UBE2E2: variants seen among roughly 807,000 people sequenced by gnomAD.
The protein encoded by UBE2E2 is ubiquitin conjugating enzyme E2 E2.
UBE2E2 carries 6 observed loss-of-function variants against 24.7 expected under a neutral mutation model. The observed-to-expected ratio is 0.24, with a 90% CI of 0.13 to 0.48. The LOEUF (loss-of-function observed/expected upper bound fraction) is 0.48. Ranked by LOEUF, UBE2E2 falls within the 20% of genes least tolerant of loss-of-function variation. The pLI is 0.99. For missense variants in UBE2E2, 169 were observed against 245.0 expected (o/e 0.69, Z 2.07); for synonymous variants, 104 against 83.6 (o/e 1.24, Z -1.33).
intron 3 of UBE2E2, among the ~76,000 whole-genome samples, chr3:23,478,287 A>G (rs1157360732): frequency 6.6e-6 from 1 of 152,232 alleles, no homozygotes; most frequent in Non-Finnish European, 1.5e-5. Context: ...AAAGACAGGC[A>G]ACAACATAAC....
intron 3 of UBE2E2, among the ~76,000 whole-genome samples, chr3:23,356,968 T>G (rs1473212005): frequency 6.6e-6 from 1 of 152,248 alleles, no homozygotes; most frequent in Non-Finnish European, 1.5e-5. Flanking sequence ...CTGGGGTGAC[T>G]GACTTCGTCT....
chr3:23,362,113 A>G (rs545306899), intron 3 of UBE2E2, among the ~76,000 whole-genome samples: 1 of 152,312 alleles, frequency 6.6e-6, no homozygotes, highest in East Asian at 1.9e-4. Flanking sequence ...TCTCATGGAG[A>G]TAAAACAAAA....
intron 5 of UBE2E2, among the ~76,000 whole-genome samples, chr3:23,538,285 C>T (rs545872060): frequency 1.3e-5 from 2 of 152,084 alleles, no homozygotes; most frequent in African/African-American, 2.4e-5. Context: ...CTTCTGTCAA[C>T]TTCTGTCTAC....
intron 3 of UBE2E2, among the ~76,000 whole-genome samples, chr3:23,333,052 T>A (rs1017373876): frequency 6.6e-6 from 1 of 152,192 alleles, no homozygotes; most frequent in South Asian, 2.1e-4. Context: ...CTCTCCCTCA[T>A]CTGCAGGTCC....
chr3:23,347,305 A>G (rs970519406), intron 3 of UBE2E2, among the ~76,000 whole-genome samples: 6 of 152,232 alleles, frequency 3.9e-5, no homozygotes. Flanking sequence ...AACCAACCCA[A>G]ATGTCCATCA....
chr3:23,421,667 A>G (rs1379355007), intron 3 of UBE2E2, among the ~76,000 whole-genome samples: 2 of 152,204 alleles, frequency 1.3e-5, no homozygotes, highest in Admixed American at 6.5e-5. Flanking sequence ...CGGCCTCTCA[A>G]AGTGCTGGGA....
At chr3:23,381,988 C>A (rs1408251249) in intron 3 of UBE2E2, among the ~76,000 whole-genome samples, 1 of 152,132 alleles carries the variant, frequency 6.6e-6, no homozygotes, top group Non-Finnish European at 1.5e-5. Context: ...AGATTCTTCT[C>A]CATTCCCCCG....
At chr3:23,554,083 A>G (rs569291080) in intron 5 of UBE2E2, among the ~76,000 whole-genome samples, 4 of 152,332 alleles carry the variant, frequency 2.6e-5, no homozygotes, top group African/African-American at 9.6e-5. Context: ...AGCCAGAGCA[A>G]TCCTGAGGTG....
intron 4 of UBE2E2, among the ~76,000 whole-genome samples, chr3:23,511,290 A>G (rs1434529415): frequency 6.6e-6 from 1 of 152,198 alleles, no homozygotes; most frequent in Non-Finnish European, 1.5e-5. Flanking sequence ...TGCCAAGTAT[A>G]CCCTGAAGGA....
chr3:23,314,923 G>T (rs1343514575), intron 3 of UBE2E2, among the ~76,000 whole-genome samples: 1 of 152,174 alleles, frequency 6.6e-6, no homozygotes, highest in Non-Finnish European at 1.5e-5. Flanking sequence ...GCCTTGAGGT[G>T]GTCTTCTTTG....
intron 4 of UBE2E2, 64 bp downstream of exon 4, chr3:23,499,804 T>C: frequency 6.5e-7 from 1 of 1,548,974 alleles, no homozygotes; most frequent in Non-Finnish European, 8.7e-7. Context: ...CATATACTTA[T>C]TCTTAAATAT....
intron 5 of UBE2E2, chr3:23,534,094 T>C (rs1451445640): frequency 2.8e-6 from 2 of 716,162 alleles, no homozygotes; most frequent in Non-Finnish European, 3.4e-6. Context: ...TATAACCTTG[T>C]ATAACCTCAT....
At chr3:23,545,658 TG>T (rs1695506616) in intron 5 of UBE2E2, among the ~76,000 whole-genome samples, 1 of 152,180 alleles carries the variant, frequency 6.6e-6, no homozygotes, top group Non-Finnish European at 1.5e-5. Context: ...ATCCTACTAC[TG>T]GGTATCTACC....
At chr3:23,323,048 C>G (rs1242057794) in intron 3 of UBE2E2, among the ~76,000 whole-genome samples, 1 of 151,786 alleles carries the variant, frequency 6.6e-6, no homozygotes, top group Non-Finnish European at 1.5e-5. Context: ...ATACATTTCA[C>G]TTAATTTTTG....
At chr3:23,299,942 G>A (rs1699024766) in intron 3 of UBE2E2, among the ~76,000 whole-genome samples, 1 of 152,048 alleles carries the variant, frequency 6.6e-6, no homozygotes, top group South Asian at 2.1e-4. Flanking sequence ...GGTCACTCAG[G>A]ACTTGCTTTA....
chr3:23,561,214 T>G (rs1447065957), intron 5 of UBE2E2, among the ~76,000 whole-genome samples: 3 of 152,210 alleles, frequency 2.0e-5, no homozygotes, highest in Admixed American at 6.5e-5. Flanking sequence ...GGTCTAACGT[T>G]TAAGTCTTTA....
intron 3 of UBE2E2, among the ~76,000 whole-genome samples, chr3:23,246,423 C>G (rs11920019): frequency 0.62 from 84,401 of 136,282 alleles, 26,354 homozygotes; most frequent in South Asian, 0.68. Flanking sequence ...TTTTAGTAGA[C>G]ACGGGGTTTC....
chr3:23,387,163 A>G (rs1696821768), intron 3 of UBE2E2, among the ~76,000 whole-genome samples: 1 of 152,228 alleles, frequency 6.6e-6, no homozygotes, highest in African/African-American at 2.4e-5. Flanking sequence ...GTTTCTGGGA[A>G]GACTAAATGT....
intron 3 of UBE2E2, among the ~76,000 whole-genome samples, chr3:23,276,251 TAGA>T: frequency 6.6e-6 from 1 of 152,302 alleles, no homozygotes; most frequent in East Asian, 1.9e-4. Flanking sequence ...GTAAACTGAT[TAGA>T]ATTATAGTTT....
Sources: allele counts gnomAD v4.1 joint callset (sites outside exome capture counted in the v4.1 genomes callset), GRCh38; gene constraint gnomAD v4.1.1; transcripts MANE v1.5; gene names NCBI Gene and HGNC (gene_info 2026-07-23, HGNC 2026-07-21).